ADCY9: variants seen among roughly 807,000 people sequenced by gnomAD.
The protein encoded by ADCY9 is adenylate cyclase type 9.
A neutral mutation model predicts 101.5 loss-of-function variants in ADCY9; 50 were observed. The observed-to-expected ratio is 0.49, with a 90% CI of 0.39 to 0.62. The LOEUF is 0.62. ADCY9 is among the 20% of genes least tolerant of loss of function. The pLI is 0.00. For synonymous variants in ADCY9, 905 were observed against 769.3 expected (o/e 1.18, Z -2.92); for missense variants, 1,662 against 1,800.4 (o/e 0.92, Z 1.39).
At chr16:3,998,847 C>T (rs1277160206) in intron 3 of ADCY9, among the ~76,000 whole-genome samples, 2 of 148,866 alleles carry the variant, frequency 1.3e-5, no homozygotes, top group African/African-American at 2.5e-5. Flanking sequence ...CACATCTCAA[C>T]ATCCCCTTCT....
intron 2 of ADCY9, among the ~76,000 whole-genome samples, chr16:4,027,900 A>C (rs532832036): frequency 1.7e-3 from 265 of 151,748 alleles, no homozygotes; most frequent in Non-Finnish European, 2.7e-3. Flanking sequence ...AAGAAAAAAA[A>C]CCCATCAGAT....
At chr16:4,026,624 C>T (rs2056517214) in intron 2 of ADCY9, among the ~76,000 whole-genome samples, 1 of 152,170 alleles carries the variant, frequency 6.6e-6, no homozygotes, top group Admixed American at 6.6e-5. Context: ...GATAAACACA[C>T]TGTGGTCCCT....
chr16:4,028,477 G>A (rs75625359), intron 2 of ADCY9, among the ~76,000 whole-genome samples: 2,784 of 152,252 alleles, frequency 0.018, 92 homozygotes, highest in African/African-American at 0.063. Context: ...AAAACAATAA[G>A]CTAATTGAGA....
intron 2 of ADCY9, among the ~76,000 whole-genome samples, chr16:4,095,199 G>GC (rs113780145): frequency 0.89 from 135,134 of 151,644 alleles, 60,352 homozygotes; most frequent in East Asian, 0.99. Context: ...ACAGGGTTTC[G>GC]GACGTTGGCC....
chr16:4,000,691 G>A (rs1453531732), intron 3 of ADCY9, among the ~76,000 whole-genome samples: 1 of 151,912 alleles, frequency 6.6e-6, no homozygotes, highest in African/African-American at 2.4e-5. Flanking sequence ...ACGGGGCGGA[G>A]TCGAAAAGTC....
At chr16:4,026,910 C>G (rs1031184975) in intron 2 of ADCY9, among the ~76,000 whole-genome samples, 1 of 152,168 alleles carries the variant, frequency 6.6e-6, no homozygotes, top group African/African-American at 2.4e-5. Flanking sequence ...ACCCAGGTAA[C>G]AAAAGGATCA....
intron 2 of ADCY9, among the ~76,000 whole-genome samples, chr16:4,088,879 C>T (rs911337207): frequency 6.6e-6 from 1 of 151,932 alleles, no homozygotes; most frequent in Non-Finnish European, 1.5e-5. Flanking sequence ...AGGGAGGTTT[C>T]GCACACAGAG....
At chr16:4,109,106 G>A (rs1041528689) in intron 2 of ADCY9, among the ~76,000 whole-genome samples, 11 of 151,764 alleles carry the variant, frequency 7.2e-5, no homozygotes, top group Admixed American at 2.0e-4. Context: ...TCTCACACTC[G>A]TACACCCCAT....
intron 2 of ADCY9, among the ~76,000 whole-genome samples, chr16:4,075,626 A>T (rs1232560032): frequency 6.6e-6 from 1 of 152,234 alleles, no homozygotes; most frequent in African/African-American, 2.4e-5. Context: ...TACACCAGGG[A>T]CACAAAAATG....
intron 2 of ADCY9, among the ~76,000 whole-genome samples, chr16:4,073,505 C>T (rs2056848011): frequency 6.6e-6 from 1 of 152,068 alleles, no homozygotes; most frequent in South Asian, 2.1e-4. Flanking sequence ...AAATGACTCT[C>T]CTGCCTCAGC....
chr16:4,014,939 C>CTTT (rs578260761), intron 2 of ADCY9, among the ~76,000 whole-genome samples: 1,492 of 93,182 alleles, frequency 0.016, 65 homozygotes, highest in South Asian at 0.029. Context: ...CTGTTTTGGC[C>CTTT]TTTTTTTTTT....
chr16:4,043,104 G>A (rs145702201), intron 2 of ADCY9, among the ~76,000 whole-genome samples: 2,815 of 152,094 alleles, frequency 0.019, 92 homozygotes, highest in African/African-American at 0.064. Flanking sequence ...GGTGGCGGGC[G>A]ACTGAAGTCC....
At chr16:3,962,013 G>A (rs1193285209), downstream of ADCY9, among the ~76,000 whole-genome samples, 1 of 149,942 alleles carries the variant, frequency 6.7e-6, no homozygotes, top group Non-Finnish European at 1.5e-5. Flanking sequence ...GTGACAGAGT[G>A]AGACTCTGTC....
chr16:4,046,006 G>A (rs1169475927), intron 2 of ADCY9, among the ~76,000 whole-genome samples: 1 of 150,892 alleles, frequency 6.6e-6, no homozygotes, highest in Non-Finnish European at 1.5e-5. Context: ...CACCACACCT[G>A]GCTAAACTTT....
At chr16:3,997,040 T>C (rs891218199) in intron 3 of ADCY9, among the ~76,000 whole-genome samples, 2 of 152,124 alleles carry the variant, frequency 1.3e-5, no homozygotes, top group Non-Finnish European at 2.9e-5. Context: ...TATTTTTGTA[T>C]TTTCAGTAGA....
In ADCY9 at chr16:4,072,132, T is replaced by A. The variant is rs57496395; in HGVS notation, c.1693+41618A>T. Among the ~76,000 whole-genome samples the A allele has an allele frequency of 4.0e-3, 613 of 152,318 alleles. 1 individual carries two copies. The highest frequency in any genetic ancestry group is 0.014 in the African/African-American group (577 of 41,576). ...TTGTTTGGAATCCCACTGGGCCCGA[T>A]CTGTTTTCCATGACCAAGGCACTGC... is the stretch of plus-strand genomic sequence containing the variant. On this transcript the variant is annotated intron_variant, in intron 2 of 10. Coordinates refer to ENST00000294016, the MANE Select transcript of ADCY9 (RefSeq NM_001116.4).
rs373283183 is a variant in ADCY9, at chr16:3,996,715, A to T, written c.1885-3205T>A. ...CTATGCTCTCTGGTCATTAAAGTTC[A>T]TCTGGTAATTCAATGTCCTTGATTA... On this transcript the variant is annotated intron_variant, in intron 3 of 10. Coordinates refer to ENST00000294016, the MANE Select transcript of ADCY9 (RefSeq NM_001116.4). Among the ~76,000 whole-genome samples, 4 of 152,250 alleles carry T rather than the reference A, an allele frequency of 2.6e-5. No homozygotes were observed. The East Asian group carries it at 7.7e-4, about 29-fold the overall frequency.
rs113437083 is a variant in ADCY9 at position 4,057,046 on chromosome 16, C to T, written c.1694-49488G>A. On this transcript the variant is annotated intron_variant, in intron 2 of 10. Transcript: ENST00000294016. ...CCTGTACTGATGAAACCGCCCCCCC[C>T]CCCCCCGCCAATCTTACTCTTCTGT... is the stretch of plus-strand genomic sequence containing the variant. Among the ~76,000 whole-genome samples, 13 of 142,210 alleles carry T rather than the reference C, an allele frequency of 9.1e-5. 1 individual carries two copies. The highest frequency in any genetic ancestry group is 4.7e-4 in the South Asian group (2 of 4,258). The allele number at this position is 142,210 out of a possible 152,430, so 93.3% of individuals were successfully genotyped here.
chr16:4,086,110 C>T (rs2056936505), intron 2 of ADCY9, among the ~76,000 whole-genome samples: 1 of 151,842 alleles, frequency 6.6e-6, no homozygotes, highest in African/African-American at 2.4e-5. Context: ...AAGGATGCTG[C>T]TTGGGGGTGG....
Sources: allele counts gnomAD v4.1 joint callset (sites outside exome capture counted in the v4.1 genomes callset), GRCh38; gene constraint gnomAD v4.1.1; transcripts MANE v1.5; gene names NCBI Gene and HGNC (gene_info 2026-07-23, HGNC 2026-07-21).